Variants in ASXL3 observed in about 807,000 individuals in gnomAD.
ASXL3 encodes ASXL transcriptional regulator 3.
ASXL3 carries 34 observed loss-of-function variants against 170.6 expected under a neutral mutation model. The ratio of observed to expected loss-of-function variants is 0.20; its 90% CI spans 0.15 to 0.27. The LOEUF is 0.27. Ranked by LOEUF, ASXL3 falls within the 10% of genes least tolerant of loss-of-function variation. The probability of loss-of-function intolerance (pLI) is 1.00; values close to 1 mark genes in which losing one functional copy is unlikely to be tolerated. For missense variants in ASXL3, 2,592 were observed against 2,695.3 expected (o/e 0.96, Z 0.85); for synonymous variants, 1,002 against 989.1 (o/e 1.01, Z -0.24).
intron 4 of ASXL3, among the ~76,000 whole-genome samples, chr18:33,650,919 A>G (rs1237943587): frequency 1.3e-5 from 2 of 152,154 alleles, no homozygotes; most frequent in African/African-American, 2.4e-5. Flanking sequence ...CTTAGGACAC[A>G]TTTTCAAACC....
chr18:33,742,558 T>G (rs1730949090), intron 11 of ASXL3, among the ~76,000 whole-genome samples: 1 of 152,146 alleles, frequency 6.6e-6, no homozygotes, highest in Admixed American at 6.5e-5. Context: ...TATCTTGAAG[T>G]CTTTCTTTTT....
At chr18:33,624,500 G>C (rs750970425) in intron 2 of ASXL3, among the ~76,000 whole-genome samples, 4 of 151,892 alleles carry the variant, frequency 2.6e-5, no homozygotes, top group Non-Finnish European at 5.9e-5. Context: ...TCATACTTAG[G>C]TCACTTCAAC....
intron 9 of ASXL3, among the ~76,000 whole-genome samples, 177 bp from the exon 10 acceptor site, chr18:33,734,133 T>TATTCTAAAGCA (rs1298486568): frequency 6.6e-6 from 1 of 151,756 alleles, no homozygotes; most frequent in African/African-American, 2.4e-5. Flanking sequence ...GCTTTAGCAT[T>TATTCTAAAGCA]TTTATGAACA....
At chr18:33,727,473 A>G (rs756305053) in intron 8 of ASXL3, among the ~76,000 whole-genome samples, 1 of 152,120 alleles carries the variant, frequency 6.6e-6, no homozygotes, top group Non-Finnish European at 1.5e-5. Context: ...ACCAAAGACA[A>G]ATGATATACT....
At chr18:33,579,535 A>T (rs1057489879) in intron 1 of ASXL3, among the ~76,000 whole-genome samples, 1 of 152,178 alleles carries the variant, frequency 6.6e-6, no homozygotes, top group East Asian at 1.9e-4. Flanking sequence ...ATGTCTCTAT[A>T]GAAATGCCGG....
chr18:33,655,930 A>T (rs1599453677), intron 4 of ASXL3, among the ~76,000 whole-genome samples: 1 of 152,112 alleles, frequency 6.6e-6, no homozygotes, highest in Non-Finnish European at 1.5e-5. Context: ...AATGGTCTAT[A>T]TCTAGACCAT....
At chr18:33,633,411 G>A (rs1482027369) in intron 2 of ASXL3, among the ~76,000 whole-genome samples, 3 of 152,082 alleles carry the variant, frequency 2.0e-5, no homozygotes, top group South Asian at 2.1e-4. Flanking sequence ...AGAACATTAC[G>A]TGGATATTAA....
chr18:33,741,413 T>G (rs1452840413), intron 11 of ASXL3, among the ~76,000 whole-genome samples: 2 of 152,182 alleles, frequency 1.3e-5, no homozygotes, highest in Non-Finnish European at 2.9e-5. Flanking sequence ...TTGAGCATAT[T>G]AATTAATAAA....
rs775251315 is a variant in ASXL3, at chr18:33,739,384, C to G, written c.1980C>G (p.Asp660Glu). Residue 660 changes from aspartate (D) to glutamate (E), a missense_variant, in exon 11 of 12, where the codon GAC (aspartate) becomes GAG (glutamate). Asp to Glu is a conservative substitution (Grantham distance 45). Coordinates refer to ENST00000269197, the MANE Select transcript of ASXL3 (RefSeq NM_030632.3). ...CSEVSSTENT[D>E]KYNQRNSTDE... is the part of the protein sequence containing the mutation. ...AGGTATCTAGCACTGAAAATACAGA[C>G]AAATACAACCAGAGAAATTCCACTG... 4 of 1,613,748 alleles carry G rather than the reference C, an allele frequency of 2.5e-6. No homozygotes were observed. In the South Asian group the frequency reaches 3.3e-5, roughly 13 times the overall value.
intron 3 of ASXL3, among the ~76,000 whole-genome samples, chr18:33,645,911 TTAAG>T (rs1301738779): frequency 6.6e-6 from 1 of 151,974 alleles, no homozygotes; most frequent in Non-Finnish European, 1.5e-5. Context: ...AGTTGGGTAT[TTAAG>T]TAACTGATTA....
chr18:33,713,228 GGTTTTTTTTGTTTTGTTTT>G (rs1391539826), intron 8 of ASXL3, among the ~76,000 whole-genome samples: 979 of 87,774 alleles, frequency 0.011, 178 homozygotes, highest in African/African-American at 0.056. Flanking sequence ...ACCACAAGAA[GGTTTTTTTTGTTTTGTTTT>G]GTTTTTTTTT....
chr18:33,661,237 ATTG>A (rs1232221702), intron 4 of ASXL3, among the ~76,000 whole-genome samples: 2 of 152,000 alleles, frequency 1.3e-5, no homozygotes, highest in Non-Finnish European at 2.9e-5. Context: ...ATTAATTTAT[ATTG>A]TTTTTTTTTG....
chr18:33,696,637 G>C (rs1194877802), intron 8 of ASXL3, among the ~76,000 whole-genome samples: 1 of 152,036 alleles, frequency 6.6e-6, no homozygotes, highest in African/African-American at 2.4e-5. Context: ...TCTGAGTGAG[G>C]GGGGCTGGAG....
At chr18:33,685,162 G>T (rs1289041170) in intron 8 of ASXL3, among the ~76,000 whole-genome samples, 1 of 152,188 alleles carries the variant, frequency 6.6e-6, no homozygotes, top group Non-Finnish European at 1.5e-5. Context: ...GAAAGAGAAT[G>T]ATAGGCATGG....
In ASXL3 at chr18:33,749,545, A is replaced by G. The variant is rs2067851937; in HGVS notation, c.*2950A>G. 1 of 152,080 alleles carries G rather than the reference A, an allele frequency of 6.6e-6. No homozygotes were observed. Among genetic ancestry groups the G allele is most frequent in the African/African-American group, 2.4e-5 (1 of 41,408 alleles). 9.4% of individuals were successfully genotyped at this position (152,080 alleles called of 1,614,324 possible). ...CTAATCCTCCTCCTATAAGATATGC[A>G]TATGCCTGAGGTGTATAAAGACATT... On this transcript the variant is annotated 3_prime_UTR_variant, in exon 12 of 12. Coordinates refer to ENST00000269197, the MANE Select transcript of ASXL3 (RefSeq NM_030632.3).
rs2066754705 is a variant in ASXL3 at position 33,695,272 on chromosome 18, T to C, written c.879+11704T>C. ...TGAAATGTAATTATTTTAATGGAACTGACACTTTGGCTTTTTCGCTGAGTC... is the reference window on the plus strand; with the variant it reads ...TGAAATGTAATTATTTTAATGGAACCGACACTTTGGCTTTTTCGCTGAGTC... On this transcript the variant is annotated intron_variant, in intron 8 of 11. Transcript: ENST00000269197. Among the ~76,000 whole-genome samples, 3 of 152,140 alleles carry C rather than the reference T, an allele frequency of 2.0e-5. No homozygotes were observed. The South Asian group carries it at 6.2e-4, about 32-fold the overall frequency.
intron 1 of ASXL3, among the ~76,000 whole-genome samples, chr18:33,591,560 T>G (rs1434111298): frequency 6.6e-6 from 1 of 152,154 alleles, no homozygotes; most frequent in Non-Finnish European, 1.5e-5. Context: ...TAGGAATAGA[T>G]GGACTGTCAG....
intron 2 of ASXL3, among the ~76,000 whole-genome samples, chr18:33,633,891 A>C (rs1599422848): frequency 6.6e-6 from 1 of 151,996 alleles, no homozygotes; most frequent in East Asian, 1.9e-4. Flanking sequence ...ATAAAGTAAA[A>C]TGTTAAGGCA....
At chr18:33,677,785 T>C (rs922638879) in intron 7 of ASXL3, among the ~76,000 whole-genome samples, 7 of 152,348 alleles carry the variant, frequency 4.6e-5, no homozygotes, top group Non-Finnish European at 8.8e-5. Context: ...TTGTGAAGAC[T>C]ACGTGGATTC....
Sources: allele counts gnomAD v4.1 joint callset (sites outside exome capture counted in the v4.1 genomes callset), GRCh38; gene constraint gnomAD v4.1.1; transcripts MANE v1.5; gene names NCBI Gene and HGNC (gene_info 2026-07-23, HGNC 2026-07-21).